Variants in DAB1 observed in about 807,000 individuals in gnomAD.
DAB1 encodes disabled homolog 1.
In DAB1, 15 loss-of-function variants were observed where a neutral mutation model predicts 64.6. The observed-to-expected ratio is 0.23, with a 90% CI of 0.16 to 0.36. The LOEUF (loss-of-function observed/expected upper bound fraction) is 0.36. DAB1 is among the 10% of genes least tolerant of loss of function. The probability of loss-of-function intolerance (pLI) is 1.00; values close to 1 mark genes in which losing one functional copy is unlikely to be tolerated. For missense variants in DAB1, 596 were observed against 706.7 expected (o/e 0.84, Z 1.78); for synonymous variants, 235 against 251.9 (o/e 0.93, Z 0.64).
chr1:57,057,227 G>T (rs896278086), intron 9 of DAB1, among the ~76,000 whole-genome samples: 6 of 152,182 alleles, frequency 3.9e-5, no homozygotes, highest in Non-Finnish European at 1.5e-5. Flanking sequence ...GGTCACAGAA[G>T]AAAGTGTATT....
intron 6 of DAB1, among the ~76,000 whole-genome samples, chr1:57,719,473 C>T (rs1489175173): frequency 2.6e-5 from 4 of 152,176 alleles, no homozygotes; most frequent in Admixed American, 6.5e-5. Context: ...GTGTCCTCAC[C>T]CAAATTTCAT....
At chr1:57,329,871 A>G (rs1248898068) in intron 1 of DAB1, among the ~76,000 whole-genome samples, 1 of 152,234 alleles carries the variant, frequency 6.6e-6, no homozygotes, top group African/African-American at 2.4e-5. Flanking sequence ...TGAATAATTG[A>G]TGATGTTGTA....
chr1:57,662,283 C>T (rs899676307), intron 6 of DAB1, among the ~76,000 whole-genome samples: 1 of 152,196 alleles, frequency 6.6e-6, no homozygotes, highest in African/African-American at 2.4e-5. Flanking sequence ...GCAACCTCCA[C>T]CTCCCGGGTT....
intron 5 of DAB1, among the ~76,000 whole-genome samples, chr1:57,950,255 C>T (rs1201506363): frequency 1.3e-5 from 2 of 151,936 alleles, no homozygotes; most frequent in Non-Finnish European, 2.9e-5. Flanking sequence ...TATCTACCTC[C>T]TTGAAGGGTT....
At chr1:57,788,730 A>T (rs1473259292) in intron 6 of DAB1, among the ~76,000 whole-genome samples, 1 of 152,190 alleles carries the variant, frequency 6.6e-6, no homozygotes, top group Non-Finnish European at 1.5e-5. Context: ...TCTGAGCCTG[A>T]TTCTTCTAAC....
chr1:57,046,136 A>G (rs902367820), intron 9 of DAB1, among the ~76,000 whole-genome samples: 2 of 152,200 alleles, frequency 1.3e-5, no homozygotes, highest in Non-Finnish European at 2.9e-5. Flanking sequence ...TTTATATATA[A>G]ATAGATGCAA....
At chr1:57,019,910 G>GA (rs904890766) in intron 11 of DAB1, among the ~76,000 whole-genome samples, 5 of 151,494 alleles carry the variant, frequency 3.3e-5, no homozygotes, top group African/African-American at 1.2e-4. Flanking sequence ...CCCATTATTT[G>GA]AAAAAAGAAA....
chr1:57,857,679 T>G (rs1299389725), intron 1 of DAB1, among the ~76,000 whole-genome samples: 1 of 152,128 alleles, frequency 6.6e-6, no homozygotes, highest in Non-Finnish European at 1.5e-5. Context: ...GAGTTATCCA[T>G]TCAACCATCT....
chr1:57,301,952 C>G lies in DAB1; in HGVS notation c.-136-10786G>C, dbSNP rs982126577. Among the ~76,000 whole-genome samples the G allele has an allele frequency of 7.3e-4, 111 of 152,184 alleles. 1 individual carries two copies. Among genetic ancestry groups the G allele is most frequent in the African/African-American group, 2.6e-3 (108 of 41,452 alleles). ...AGGGAAGAGAAAGACAGGTGGCAGG[C>G]TTCCTCTCATCACTGATAACCTATT... On this transcript the variant is annotated intron_variant, in intron 1 of 14. Coordinates refer to ENST00000371236, the MANE Select transcript of DAB1 (RefSeq NM_001365792.1).
At chr1:57,588,733 A>G (rs116755058) in intron 7 of DAB1, among the ~76,000 whole-genome samples, 1,666 of 152,338 alleles carry the variant, frequency 0.011, 38 homozygotes, top group African/African-American at 0.038. Flanking sequence ...CAAAATAGAC[A>G]GACCAAAAGA....
intron 6 of DAB1, among the ~76,000 whole-genome samples, chr1:57,735,967 G>A (rs1647672733): frequency 6.6e-6 from 1 of 151,842 alleles, no homozygotes; most frequent in South Asian, 2.1e-4. Context: ...TTTCTCAGAG[G>A]GACCTTCCAA....
intron 6 of DAB1, among the ~76,000 whole-genome samples, chr1:57,790,591 C>T (rs544996783): frequency 2.0e-5 from 3 of 152,258 alleles, no homozygotes; most frequent in African/African-American, 7.2e-5. Context: ...GCAACTTTCT[C>T]CCACCATCCC....
intron 3 of DAB1, among the ~76,000 whole-genome samples, chr1:58,452,655 CAAAAAAA>C (rs1245979623): frequency 8.5e-5 from 9 of 105,518 alleles, no homozygotes; most frequent in African/African-American, 2.4e-4. Flanking sequence ...ACAAAAATAC[CAAAAAAA>C]AAAAAAAAAA....
intron 4 of DAB1, among the ~76,000 whole-genome samples, chr1:57,111,617 T>G (rs921211820): frequency 6.6e-6 from 1 of 152,166 alleles, no homozygotes. Context: ...CCCTGTCTCA[T>G]CCCATCTAAT....
rs180875897 is a variant in DAB1, at chr1:58,048,008, C to A, written n.387+102503G>T. ...TTATACAATTAGTCACAAATATAGT[C>A]CTCAAGTTTTTTGCCCATATACATG... is the stretch of plus-strand genomic sequence containing the variant. On this transcript the variant is annotated intron_variant and non_coding_transcript_variant, in intron 5 of 20. Transcript: ENST00000485760. 13 of 619,058 alleles carry A rather than the reference C, an allele frequency of 2.1e-5. No homozygotes were observed. In the East Asian group the frequency reaches 3.3e-4, roughly 16 times the overall value. 38.3% of individuals were successfully genotyped at this position (619,058 alleles called of 1,614,324 possible). A position where few individuals can be genotyped will look rare whatever the true frequency, so the allele number is the denominator to read the frequency against.
intron 7 of DAB1, among the ~76,000 whole-genome samples, chr1:57,459,693 C>G (rs1686716392): frequency 1.3e-5 from 2 of 152,148 alleles, no homozygotes; most frequent in Non-Finnish European, 2.9e-5. Flanking sequence ...TCACCAGATC[C>G]ACGATCCAAA....
chr1:58,348,218 T>A lies in DAB1; in HGVS notation n.258-4815A>T, dbSNP rs1569668910. Among the ~76,000 whole-genome samples the A allele has an allele frequency of 2.6e-5, 4 of 152,334 alleles. No homozygotes were observed. The South Asian group carries it at 8.3e-4, about 32-fold the overall frequency. On this transcript the variant is annotated intron_variant and non_coding_transcript_variant, in intron 3 of 20. Transcript: ENST00000485760. ...TAACAACTCTAGGAGGTTGTGATTT[T>A]TCCTTATTTACCTTTGAATGAGCAG...
intron 7 of DAB1, among the ~76,000 whole-genome samples, chr1:57,515,830 G>A (rs1644458012): frequency 6.6e-6 from 1 of 152,172 alleles, no homozygotes; most frequent in Non-Finnish European, 1.5e-5. Context: ...AGCCTAACAG[G>A]TCTTCATGCT....
At chr1:58,336,294 TG>T (rs1663115781) in intron 4 of DAB1, among the ~76,000 whole-genome samples, 2 of 152,254 alleles carry the variant, frequency 1.3e-5, no homozygotes, top group Non-Finnish European at 2.9e-5. Context: ...TATTCTGTTC[TG>T]GCGTTTGAAG....
Sources: gnomAD v4.1 joint callset for allele counts (sites outside exome capture counted in the v4.1 genomes callset) on GRCh38, gnomAD v4.1.1 for gene constraint, MANE v1.5 for transcripts, NCBI Gene and HGNC (gene_info 2026-07-23, HGNC 2026-07-21) for gene names.